Variants in CC2D2A observed in about 807,000 individuals in gnomAD.
CC2D2A encodes coiled-coil and C2 domain containing 2A, also known as coiled-coil and C2 domain-containing protein 2A.
In CC2D2A, 155 loss-of-function variants were observed where a neutral mutation model predicts 212.9. The ratio of observed to expected loss-of-function variants is 0.73; its 90% CI spans 0.64 to 0.83. The LOEUF (loss-of-function observed/expected upper bound fraction) is 0.83, where lower values mean the gene tolerates loss of function less well. Among genes scored for constraint, CC2D2A ranks in the 40% least tolerant of loss-of-function variants. CC2D2A has a pLI of 0.00. For missense variants in CC2D2A, 1,856 were observed against 1,956.2 expected, an observed-to-expected ratio of 0.95 and a Z score of 0.97; for synonymous variants, 667 against 686.5, an observed-to-expected ratio of 0.97 and a Z score of 0.44.
chr4:15,515,421 A>C (rs1481878891), intron 9 of CC2D2A, among the ~76,000 whole-genome samples: 2 of 152,140 alleles, frequency 1.3e-5, no homozygotes, highest in Non-Finnish European at 2.9e-5. Flanking sequence ...ACGTTCAATC[A>C]AATAAACTTG....
Position 15,528,660 on chromosome 4 carries a change from C to T in CC2D2A, c.1400C>T (p.Pro467Leu). ...LRNAVQTGLD[P>L]EKPHQSLDTI... is the part of the protein sequence containing the mutation. ...AATGCTGTTCAGACTGGCCTTGATC[C>T]AGAAAAACCTCATCAGTCTCTCGAT... Residue 467 changes from proline (P) to leucine (L), a missense_variant, in exon 13 of 37, where the codon CCA becomes CTA. Transcript: ENST00000424120. 6.2e-7 allele frequency: 1 copy of T among 1,613,856 alleles called. No individual in the cohort carries two copies. The highest frequency in any genetic ancestry group is 1.1e-5 in the South Asian group (1 of 91,062).
At chr4:15,553,656 T>C (rs1182250568) in intron 19 of CC2D2A, among the ~76,000 whole-genome samples, 4 of 152,184 alleles carry the variant, frequency 2.6e-5, no homozygotes, top group Non-Finnish European at 4.4e-5. Context: ...TAAAGGTTTG[T>C]TGCTAATGAT....
intron 30 of CC2D2A, among the ~76,000 whole-genome samples, chr4:15,582,148 A>C (rs141105219): frequency 3.9e-5 from 6 of 152,328 alleles, no homozygotes; most frequent in African/African-American, 1.4e-4. Context: ...TAAAGTACCA[A>C]GTGGAACTTA....
chr4:15,538,112 G>A lies in CC2D2A; in HGVS notation c.1978G>A (p.Val660Ile), dbSNP rs16892134. The A allele has an allele frequency of 1.2e-3, 1,944 of 1,595,412 alleles. 22 individuals are homozygous for A. In the African/African-American group the frequency reaches 0.023, roughly 19 times the overall value. Residue 660 changes from valine to isoleucine, a missense_variant, in exon 16 of 37, where the codon GTA becomes ATA. This residue lies in a region of CC2D2A where 1,512 missense variants were observed against 1,579.3 expected (regional missense o/e 0.96). Transcript: ENST00000424120. Reference protein sequence around the residue: ...LVPELSLAGSVTPNDQCPRAE... With the variant: ...LVPELSLAGSITPNDQCPRAE... ...CCCGGAGCTAAGCCTGGCAGGAAGCGTAACACCCAATGACCAGTGCCCCAG... is the reference window on the plus strand; with the variant it reads ...CCCGGAGCTAAGCCTGGCAGGAAGCATAACACCCAATGACCAGTGCCCCAG...
At chr4:15,552,802 A>G (rs1290310805) in intron 18 of CC2D2A, among the ~76,000 whole-genome samples, 1 of 152,250 alleles carries the variant, frequency 6.6e-6, no homozygotes. Flanking sequence ...CTAAGTAAAT[A>G]AATGTCTTTG....
intron 18 of CC2D2A, among the ~76,000 whole-genome samples, chr4:15,551,505 T>C (rs372013509): frequency 2.0e-5 from 3 of 152,322 alleles, no homozygotes; most frequent in African/African-American, 7.2e-5. Flanking sequence ...ATCTATATAA[T>C]TTCTTTAAAT....
At position 15,587,817 on chromosome 4, in the gene CC2D2A, A is replaced by G. The variant is rs771460583; in HGVS notation, c.4067A>G (p.Gln1356Arg). Residue 1356 changes from glutamine to arginine, a missense_variant and splice_region_variant, in exon 32 of 37, where the codon CAA becomes CGA. Physicochemically the swap from Gln to Arg is conservative, Grantham distance 43. Coordinates refer to ENST00000424120, the MANE Select transcript of CC2D2A (RefSeq NM_001378615.1). ...ATAATTTTTTTTTCTTTTTGTCAGC[A>G]ATTTCTTGATCTCCTGGCAGGGGAT... is the stretch of plus-strand genomic sequence containing the variant. ...GICDLWSTSDQFLDLLAGDEE... is the reference protein window; with the variant it reads ...GICDLWSTSDRFLDLLAGDEE... 2.4e-5 allele frequency: 38 copies of G among 1,586,856 alleles called. No individual in the cohort carries two copies. Among genetic ancestry groups the G allele is most frequent in the Non-Finnish European group, 3.1e-5 (36 of 1,155,512 alleles).
At chr4:15,553,499 A>C (rs971942252) in intron 19 of CC2D2A, among the ~76,000 whole-genome samples, 194 bp downstream of exon 19, 1 of 152,266 alleles carries the variant, frequency 6.6e-6, no homozygotes, top group Admixed American at 6.5e-5. Context: ...TTAAAATATT[A>C]ATAGCCTAAG....
chr4:15,548,155 GT>G (rs1212525264), intron 17 of CC2D2A, among the ~76,000 whole-genome samples: 1 of 149,028 alleles, frequency 6.7e-6, no homozygotes, highest in Non-Finnish European at 1.5e-5. Context: ...GATAGAATCC[GT>G]TTTTTTCTCA....
rs1287026947 is a variant in CC2D2A, at chr4:15,553,218, A to G, written c.2399A>G (p.Lys800Arg). 1 of 1,612,230 alleles carries G rather than the reference A, an allele frequency of 6.2e-7. No individual in the cohort carries two copies. The highest frequency in any genetic ancestry group is 8.5e-7 in the Non-Finnish European group (1 of 1,179,326). The change falls in exon 19 of 37, where the codon AAA becomes AGA. Residue 800 changes from lysine (K) to arginine (R), a missense_variant. This residue lies in a region of CC2D2A where 1,512 missense variants were observed against 1,579.3 expected (regional missense o/e 0.96). Coordinates refer to ENST00000424120, the MANE Select transcript of CC2D2A (RefSeq NM_001378615.1). ...CAGCTGACTCTGATGACCTCAGGGA[A>G]AGTGTCTCATAGTGTGGCATGGGCC... is the stretch of plus-strand genomic sequence containing the variant. Reference protein sequence around the residue: ...SNQLTLMTSGKVSHSVAWAIG... With the variant: ...SNQLTLMTSGRVSHSVAWAIG...
intron 3 of CC2D2A, among the ~76,000 whole-genome samples, chr4:15,479,515 G>C (rs1714484956): frequency 6.6e-6 from 1 of 152,144 alleles, no homozygotes; most frequent in Non-Finnish European, 1.5e-5. Flanking sequence ...AGAGGTCATA[G>C]GGAGACAGAA....
At chr4:15,477,772 C>G (rs549234544) in intron 2 of CC2D2A, among the ~76,000 whole-genome samples, 2 of 152,202 alleles carry the variant, frequency 1.3e-5, no homozygotes, top group Admixed American at 6.5e-5. Context: ...TTCTCTCGTT[C>G]GACCTCACTT....
At chr4:15,516,543 T>G in intron 10 of CC2D2A, 82 bp from the exon 11 acceptor site, 1 of 1,368,030 alleles carries the variant, frequency 7.3e-7, no homozygotes, top group South Asian at 1.5e-5. Context: ...ACACAGAATT[T>G]TCAAGAAATG....
chr4:15,524,047 G>A (rs925918902), intron 11 of CC2D2A, among the ~76,000 whole-genome samples: 10 of 152,252 alleles, frequency 6.6e-5, no homozygotes, highest in African/African-American at 2.4e-4. Context: ...CTCTGAGGTG[G>A]ACCCAGACTT....
At chr4:15,595,003 G>A (rs1721258081) in intron 33 of CC2D2A, among the ~76,000 whole-genome samples, 1 of 151,930 alleles carries the variant, frequency 6.6e-6, no homozygotes, top group Non-Finnish European at 1.5e-5. Flanking sequence ...TTAAGAGATG[G>A]GGGGTCTCAC....
intron 13 of CC2D2A, 28 bp downstream of exon 13, chr4:15,528,754 C>A (rs202067042): frequency 6.6e-7 from 1 of 1,510,432 alleles, no homozygotes; most frequent in Non-Finnish European, 9.1e-7. Context: ...AGTGTAACTA[C>A]TTTTTTTCCC....
rs1162456200 is a variant in CC2D2A at position 15,559,242 on chromosome 4, C to G, written c.2907C>G (p.Ala969=). 1 of 1,549,480 alleles carries G rather than the reference C, an allele frequency of 6.5e-7. No individual in the cohort carries two copies. Among genetic ancestry groups the G allele is most frequent in the Non-Finnish European group, 8.7e-7 (1 of 1,144,734 alleles). The part of the protein sequence containing the change: ...EHIDTHRAIV[A]KYLQQVRESV... ...TAGACACCCATAGGGCCATAGTAGCCAAGTACCTCCAGCAGGTAAGAAAAA... is the reference window on the plus strand; with the variant it reads ...TAGACACCCATAGGGCCATAGTAGCGAAGTACCTCCAGCAGGTAAGAAAAA... The change falls in exon 22 of 37, where the codon GCC becomes GCG. Residue 969 remains alanine, a synonymous_variant. Coordinates refer to ENST00000424120, the MANE Select transcript of CC2D2A (RefSeq NM_001378615.1).
At chr4:15,571,566 G>A (rs1405011483) in intron 28 of CC2D2A, among the ~76,000 whole-genome samples, 1 of 149,298 alleles carries the variant, frequency 6.7e-6, no homozygotes, top group Non-Finnish European at 1.5e-5. Context: ...TCGCACCACT[G>A]CACTCCAGCC....
intron 30 of CC2D2A, among the ~76,000 whole-genome samples, chr4:15,583,950 C>CA (rs990441363): frequency 0.025 from 2,091 of 83,456 alleles, 43 homozygotes; most frequent in African/African-American, 0.075. Context: ...GACTCCATCT[C>CA]AAAAAAAAAA....
Sources: gnomAD v4.1 joint callset for allele counts (sites outside exome capture counted in the v4.1 genomes callset) on GRCh38, gnomAD v4.1.1 for gene constraint, gnomAD v4.1.1 regional missense constraint, MANE v1.5 for transcripts, NCBI Gene and HGNC (gene_info 2026-07-23, HGNC 2026-07-21) for gene names.